Variants in FGGY observed in about 807,000 individuals in gnomAD.
The protein encoded by FGGY is FGGY carbohydrate kinase domain-containing protein.
FGGY carries 72 observed loss-of-function variants against 71.3 expected under a neutral mutation model. The ratio of observed to expected loss-of-function variants is 1.01; its 90% CI spans 0.84 to 1.23. FGGY has a LOEUF of 1.23. FGGY is among the 50% of genes most tolerant of loss of function. The probability of loss-of-function intolerance (pLI) is 0.00; values close to 1 mark genes in which losing one functional copy is unlikely to be tolerated. For synonymous variants in FGGY, 251 were observed against 250.3 expected (o/e 1.00, Z -0.02); for missense variants, 668 against 682.3 (o/e 0.98, Z 0.23).
chr1:59,663,516 G>A lies in FGGY; in HGVS notation c.1296+3223G>A, dbSNP rs1241871749. On this transcript the variant is annotated intron_variant, in intron 12 of 15. Coordinates refer to ENST00000303721, the MANE Select transcript of FGGY (RefSeq NM_018291.5). ...TTAAACTTAATGCGGGCAGGAGAGG[G>A]GAAGAAAAAAAGCCAGCTACATTTT... Among the ~76,000 whole-genome samples, 13 of 152,166 alleles carry A rather than the reference G, an allele frequency of 8.5e-5. No individual in the cohort carries two copies. In the South Asian group the frequency reaches 2.3e-3, roughly 27 times the overall value.
chr1:59,336,026 T>C (rs835386), intron 2 of FGGY, among the ~76,000 whole-genome samples: 64,707 of 151,924 alleles, frequency 0.43, 14,623 homozygotes, highest in African/African-American at 0.58. Context: ...TTTTTTCTTT[T>C]GTGGGTCTTG....
At chr1:59,437,017 G>A (rs2068621407) in intron 5 of FGGY, among the ~76,000 whole-genome samples, 3 of 152,146 alleles carry the variant, frequency 2.0e-5, no homozygotes, top group Admixed American at 2.0e-4. Flanking sequence ...AACTTCAGAT[G>A]CTGAGTTTGT....
At chr1:59,740,563 G>A (rs1198525026) in intron 14 of FGGY, among the ~76,000 whole-genome samples, 2 of 152,176 alleles carry the variant, frequency 1.3e-5, no homozygotes, top group Non-Finnish European at 1.5e-5. Flanking sequence ...CACAGAAATT[G>A]GCAATTGATA....
intron 8 of FGGY, among the ~76,000 whole-genome samples, chr1:59,605,792 A>G (rs533273570): frequency 6.6e-6 from 1 of 152,146 alleles, no homozygotes; most frequent in African/African-American, 2.4e-5. Context: ...GTCTGTCCCC[A>G]TGCTAAAATG....
chr1:59,479,915 G>A (rs1286103543), intron 6 of FGGY, among the ~76,000 whole-genome samples: 5 of 152,134 alleles, frequency 3.3e-5, no homozygotes, highest in Non-Finnish European at 5.9e-5. Context: ...GCAGTAGTCT[G>A]TTCTGCAAGT....
intron 5 of FGGY, among the ~76,000 whole-genome samples, chr1:59,424,024 G>T (rs2065897951): frequency 6.6e-6 from 1 of 152,178 alleles, no homozygotes; most frequent in African/African-American, 2.4e-5. Flanking sequence ...TACTACATAG[G>T]CCACTTACAG....
intron 14 of FGGY, among the ~76,000 whole-genome samples, chr1:59,689,496 C>T (rs1421637002): frequency 6.6e-6 from 1 of 151,970 alleles, no homozygotes; most frequent in African/African-American, 2.4e-5. Context: ...GTACTTTTTG[C>T]TCAGTATTCC....
chr1:59,681,272 A>G (rs535111199), intron 14 of FGGY, among the ~76,000 whole-genome samples: 6 of 152,316 alleles, frequency 3.9e-5, no homozygotes, highest in African/African-American at 1.4e-4. Flanking sequence ...AAGATACTTA[A>G]ATGCTATTGT....
At chr1:59,366,658 C>T (rs2056645474) in intron 4 of FGGY, among the ~76,000 whole-genome samples, 1 of 152,008 alleles carries the variant, frequency 6.6e-6, no homozygotes, top group African/African-American at 2.4e-5. Context: ...AAGGACCTGG[C>T]TTTAGATTTT....
rs554485824 is a variant in FGGY at position 59,608,815 on chromosome 1, C to T, written c.1011+905C>T. On this transcript the variant is annotated intron_variant, in intron 9 of 15. Coordinates refer to ENST00000303721, the MANE Select transcript of FGGY (RefSeq NM_018291.5). ...ATGCAACACTGCACTTCAGCCTGGG[C>T]GACAAGAGCGAAACTCCGTCTTAAA... Among the ~76,000 whole-genome samples the T allele has an allele frequency of 8.6e-5, 13 of 152,002 alleles. 1 individual carries two copies. The highest frequency in any genetic ancestry group is 6.2e-4 in the South Asian group (3 of 4,808).
intron 14 of FGGY, among the ~76,000 whole-genome samples, chr1:59,677,989 A>G (rs2097453568): frequency 1.3e-5 from 2 of 152,232 alleles, no homozygotes; most frequent in South Asian, 4.1e-4. Flanking sequence ...TCTAAAGAAT[A>G]CAATGACTAA....
intron 11 of FGGY, among the ~76,000 whole-genome samples, chr1:59,643,433 C>T (rs1043865240): frequency 1.3e-5 from 2 of 152,110 alleles, no homozygotes; most frequent in African/African-American, 4.8e-5. Flanking sequence ...GGCCTCAAGC[C>T]GTCTTCCCAC....
chr1:59,567,460 A>G (rs2095893246), intron 8 of FGGY, among the ~76,000 whole-genome samples: 1 of 152,136 alleles, frequency 6.6e-6, no homozygotes, highest in South Asian at 2.1e-4. Context: ...GGTTGAGGAA[A>G]TATTTAACTG....
At chr1:59,678,013 A>T (rs939059991) in intron 14 of FGGY, among the ~76,000 whole-genome samples, 1 of 152,212 alleles carries the variant, frequency 6.6e-6, no homozygotes, top group Non-Finnish European at 1.5e-5. Flanking sequence ...TATCTTAAAG[A>T]GTTGCCCCTC....
At chr1:59,622,142 T>A (rs995547220) in intron 9 of FGGY, among the ~76,000 whole-genome samples, 2 of 152,248 alleles carry the variant, frequency 1.3e-5, no homozygotes, top group African/African-American at 4.8e-5. Flanking sequence ...TTGTATTTAA[T>A]CAATACTATT....
chr1:59,391,104 C>T (rs2060635142), intron 5 of FGGY, among the ~76,000 whole-genome samples: 1 of 152,108 alleles, frequency 6.6e-6, no homozygotes, highest in Admixed American at 6.6e-5. Flanking sequence ...GGAAGAGGGA[C>T]CATTTAGAAA....
intron 8 of FGGY, among the ~76,000 whole-genome samples, chr1:59,588,029 G>A (rs61788908): frequency 0.12 from 18,697 of 152,150 alleles, 1,338 homozygotes; most frequent in South Asian, 0.3. Context: ...CAAAGGCAAA[G>A]AAGTTGAAAA....
At chr1:59,748,644 C>T (rs2098220086) in intron 14 of FGGY, among the ~76,000 whole-genome samples, 1 of 152,118 alleles carries the variant, frequency 6.6e-6, no homozygotes, top group Non-Finnish European at 1.5e-5. Flanking sequence ...GAGTTTTATT[C>T]AAAAAGCGAT....
At chr1:59,734,423 T>C (rs1262291129) in intron 14 of FGGY, among the ~76,000 whole-genome samples, 1 of 152,174 alleles carries the variant, frequency 6.6e-6, no homozygotes, top group Non-Finnish European at 1.5e-5. Flanking sequence ...CAGACTGATC[T>C]AGAACTCCTG....
Sources: allele counts gnomAD v4.1 joint callset (sites outside exome capture counted in the v4.1 genomes callset), GRCh38; gene constraint gnomAD v4.1.1; transcripts MANE v1.5; gene names NCBI Gene and HGNC (gene_info 2026-07-23, HGNC 2026-07-21).